The following FNIP1 variants were observed in gnomAD, a reference collection of about 807,000 sequenced individuals.
FNIP1 encodes folliculin interacting protein 1, also known as folliculin-interacting protein 1.
FNIP1 carries 40 observed loss-of-function variants against 124.5 expected under a neutral mutation model. The ratio of observed to expected loss-of-function variants is 0.32; its 90% confidence interval spans 0.25 to 0.42. The LOEUF is 0.42. Among genes scored for constraint, FNIP1 ranks in the 10% least tolerant of loss-of-function variants. The pLI, the probability that FNIP1 is intolerant of heterozygous loss-of-function variation, is 1.00. For missense variants in FNIP1, 1,176 were observed against 1,403.7 expected (o/e 0.84, Z 2.59); for synonymous variants, 472 against 470.6 (o/e 1.00, Z -0.04).
At chr5:131,648,581 G>A (rs1376230523) in intron 16 of FNIP1, among the ~76,000 whole-genome samples, 1 of 152,018 alleles carries the variant, frequency 6.6e-6, no homozygotes, top group Admixed American at 6.6e-5. Flanking sequence ...CAATGCTTTA[G>A]GCTGATAATG....
At chr5:131,700,117 G>A (rs1768849101) in intron 10 of FNIP1, among the ~76,000 whole-genome samples, 1 of 151,492 alleles carries the variant, frequency 6.6e-6, no homozygotes, top group African/African-American at 2.4e-5. Flanking sequence ...CCGAGTAGCT[G>A]GGACTACAGG....
intron 3 of FNIP1, among the ~76,000 whole-genome samples, chr5:131,724,863 G>T (rs1281846635): frequency 6.6e-6 from 1 of 152,154 alleles, no homozygotes; most frequent in Non-Finnish European, 1.5e-5. Context: ...AATCCATCTT[G>T]AATTGATTTT....
chr5:131,680,165 G>A (rs1357710647), intron 11 of FNIP1, among the ~76,000 whole-genome samples: 3 of 152,178 alleles, frequency 2.0e-5, no homozygotes, highest in Non-Finnish European at 4.4e-5. Flanking sequence ...GCCACATGTG[G>A]CTGACGGCTG....
chr5:131,694,172 C>T (rs1768610754), intron 11 of FNIP1, among the ~76,000 whole-genome samples: 1 of 152,144 alleles, frequency 6.6e-6, no homozygotes, highest in African/African-American at 2.4e-5. Flanking sequence ...TCATTTCTTA[C>T]AAAGCTAAAC....
At chr5:131,681,837 C>T (rs989977125) in intron 11 of FNIP1, among the ~76,000 whole-genome samples, 3 of 148,588 alleles carry the variant, frequency 2.0e-5, no homozygotes, top group Non-Finnish European at 3.0e-5. Context: ...TTACCAGAGC[C>T]GAAGAACATG....
chr5:131,738,930 C>T (rs1454524025), intron 2 of FNIP1, among the ~76,000 whole-genome samples: 1 of 151,646 alleles, frequency 6.6e-6, no homozygotes, highest in African/African-American at 2.4e-5. Context: ...GATTCTTCTG[C>T]CTCAGTCTCC....
At chr5:131,644,830 A>C (rs1766820820) in intron 17 of FNIP1, 67 bp from the exon 18 acceptor site, 1 of 1,479,852 alleles carries the variant, frequency 6.8e-7, no homozygotes, top group African/African-American at 1.4e-5. Flanking sequence ...TCTACAGGCA[A>C]TGACCACCAA....
Position 131,671,827 on chromosome 5 carries a change from A to G in FNIP1, c.2617T>C (p.Leu873=), listed in dbSNP as rs1316932307. The G allele has an allele frequency of 6.2e-6, 10 of 1,613,896 alleles. No homozygotes were observed. Among genetic ancestry groups the G allele is most frequent in the African/African-American group, 5.3e-5 (4 of 74,930 alleles). ...HCCMLEFSKI[L]CTKNNKQNNE... The stretch of plus-strand genomic sequence containing the variant: ...TTCTGCTTGTTATTTTTTGTACACA[A>G]TATTTTTGAAAACTCTAACATACAG... Residue 873 remains leucine, a synonymous_variant, in exon 14 of 18, where the codon TTG becomes CTG. Transcript: ENST00000510461.
intron 15 of FNIP1, among the ~76,000 whole-genome samples, chr5:131,659,507 G>A (rs1250782143): frequency 1.3e-5 from 2 of 152,222 alleles, no homozygotes; most frequent in Admixed American, 1.3e-4. Flanking sequence ...TTCCCGCTCG[G>A]CCATGGTGGT....
At chr5:131,665,187 C>G (rs1767561471) in intron 15 of FNIP1, among the ~76,000 whole-genome samples, 1 of 152,056 alleles carries the variant, frequency 6.6e-6, no homozygotes, top group Admixed American at 6.6e-5. Context: ...GAAACTGAGG[C>G]TTTCCTAGAG....
Position 131,719,080 on chromosome 5 carries a change from G to C in FNIP1, c.456-20C>G. 1 of 1,609,140 alleles carries C rather than the reference G, an allele frequency of 6.2e-7. No individual in the cohort carries two copies. The highest frequency in any genetic ancestry group is 8.5e-7 in the Non-Finnish European group (1 of 1,175,960). ...GGGGAACTATGAAGAAAAAGAGAAA[G>C]AGAGAGACCAAAACTAAAATATAAT... is the stretch of plus-strand genomic sequence containing the variant. On this transcript the variant is annotated intron_variant, in intron 4 of 17. Coordinates refer to ENST00000510461, the MANE Select transcript of FNIP1 (RefSeq NM_133372.3).
intron 11 of FNIP1, among the ~76,000 whole-genome samples, chr5:131,698,273 G>A (rs1768775338): frequency 6.6e-6 from 1 of 152,180 alleles, no homozygotes; most frequent in Admixed American, 6.5e-5. Context: ...CTAGTCTAAA[G>A]GAGGAAAGAT....
chr5:131,737,644 A>C (rs1016451944), intron 2 of FNIP1, among the ~76,000 whole-genome samples: 2 of 152,230 alleles, frequency 1.3e-5, no homozygotes, highest in Non-Finnish European at 2.9e-5. Context: ...ATAAATCGGA[A>C]TAATAATGGT....
At chr5:131,739,827 A>AAAAAAAAAAAC in intron 2 of FNIP1, among the ~76,000 whole-genome samples, 1 of 151,542 alleles carries the variant, frequency 6.6e-6, no homozygotes, top group African/African-American at 2.4e-5. Context: ...AAAAAAAAAA[A>AAAAAAAAAAAC]AAAAAAAAAA....
chr5:131,789,093 G>T (rs1009862417), intron 1 of FNIP1, among the ~76,000 whole-genome samples: 6 of 152,104 alleles, frequency 3.9e-5, no homozygotes, highest in African/African-American at 1.4e-4. Context: ...CCATTAAAAA[G>T]AATGAAATTC....
At chr5:131,648,978 G>A (rs1766969257) in intron 16 of FNIP1, among the ~76,000 whole-genome samples, 1 of 152,126 alleles carries the variant, frequency 6.6e-6, no homozygotes, top group African/African-American at 2.4e-5. Context: ...GTTGTAGCAT[G>A]TATTAGAATT....
chr5:131,682,113 T>C (rs1413864963), intron 11 of FNIP1, among the ~76,000 whole-genome samples: 1 of 152,174 alleles, frequency 6.6e-6, no homozygotes, highest in African/African-American at 2.4e-5. Flanking sequence ...CATGTGCATA[T>C]ACTTTTTGAT....
intron 1 of FNIP1, among the ~76,000 whole-genome samples, chr5:131,763,904 T>C (rs192421134): frequency 6.6e-6 from 1 of 152,210 alleles, no homozygotes; most frequent in Non-Finnish European, 1.5e-5. Flanking sequence ...TGGATCTGTG[T>C]CCCTGCCAAA....
At chr5:131,787,588 A>G (rs533639467) in intron 1 of FNIP1, among the ~76,000 whole-genome samples, 23 of 152,344 alleles carry the variant, frequency 1.5e-4, no homozygotes, top group South Asian at 6.2e-4. Context: ...TCATCACTTA[A>G]TAGCCACGTG....
Sources: allele counts gnomAD v4.1 joint callset (sites outside exome capture counted in the v4.1 genomes callset), GRCh38; gene constraint gnomAD v4.1.1; transcripts MANE v1.5; gene names NCBI Gene and HGNC (gene_info 2026-07-23, HGNC 2026-07-21).